TENM4: variants seen among roughly 807,000 people sequenced by gnomAD.
The protein encoded by TENM4 is teneurin transmembrane protein 4, also known as teneurin-4.
TENM4 carries 82 observed loss-of-function variants against 243.3 expected under a neutral mutation model. The observed-to-expected ratio is 0.34, with a 90% CI of 0.28 to 0.40. The LOEUF is 0.40. Ranked by LOEUF, TENM4 falls within the 10% of genes least tolerant of loss-of-function variation. The pLI is 1.00. For missense variants in TENM4, 3,138 were observed against 3,673.3 expected (o/e 0.85, Z 3.77); for synonymous variants, 1,412 against 1,456.3 (o/e 0.97, Z 0.69).
intron 3 of TENM4, among the ~76,000 whole-genome samples, chr11:79,159,976 G>T (rs11237734): frequency 6.6e-6 from 1 of 151,868 alleles, no homozygotes; most frequent in Admixed American, 6.6e-5. Flanking sequence ...ATTTATTCAC[G>T]AATTCATTTT....
chr11:79,138,957 C>T lies in TENM4; in HGVS notation c.-66+9753G>A, dbSNP rs867688126. Among the ~76,000 whole-genome samples the T allele has an allele frequency of 6.9e-3, 540 of 78,260 alleles. 6 individuals are homozygous for T. Among genetic ancestry groups the T allele is most frequent in the African/African-American group, 0.019 (334 of 17,244 alleles). The allele number at this position is 78,260 out of a possible 152,430, so 51.3% of individuals were successfully genotyped here. ...ATATATAAAATATATATTATATTTCCATAAATATATAAAATATATATTATA... is the reference window on the plus strand; with the variant it reads ...ATATATAAAATATATATTATATTTCTATAAATATATAAAATATATATTATA... On this transcript the variant is annotated intron_variant, in intron 4 of 33. Transcript: ENST00000278550.
At position 78,712,667 on chromosome 11, in the gene TENM4, C is replaced by T; in HGVS notation, c.3869G>A (p.Gly1290Glu). Residue 1290 changes from glycine to glutamate, a missense_variant, in exon 26 of 34, where the codon GGG (glycine) becomes GAG (glutamate). Gly to Glu is a moderately conservative substitution (Grantham distance 98, BLOSUM62 -2). Around this residue, in one of 2 missense-constraint regions of TENM4, gnomAD observed 2,467 missense variants for 3,059.1 expected, o/e 0.81. Transcript: ENST00000278550. ...GTTGCTGTCAGAAAGGAAGACGGCC[C>T]CACTCATGGGGTCTGTGGCCAGGTA... ...KYYLATDPMS[G>E]AVFLSDSNSR... 6.2e-7 allele frequency: 1 copy of T among 1,613,982 alleles called. No individual in the cohort carries two copies. Among genetic ancestry groups the T allele is most frequent in the Non-Finnish European group, 8.5e-7 (1 of 1,179,906 alleles).
chr11:79,062,026 A>G (rs1860103391), intron 6 of TENM4, among the ~76,000 whole-genome samples: 2 of 150,036 alleles, frequency 1.3e-5, no homozygotes, highest in Admixed American at 1.3e-4. Flanking sequence ...CAGTGGTGCA[A>G]TCTTGGCTCA....
chr11:79,067,341 A>C (rs2136995940), intron 5 of TENM4, among the ~76,000 whole-genome samples: 1 of 152,150 alleles, frequency 6.6e-6, no homozygotes, highest in East Asian at 1.9e-4. Context: ...CCTGCGTATC[A>C]CACTCCCTGG....
Position 79,004,959 on chromosome 11 carries a change from A to C in TENM4, c.493+59779T>G, listed in dbSNP as rs956007170. On this transcript the variant is annotated intron_variant, in intron 6 of 33. Coordinates refer to ENST00000278550, the MANE Select transcript of TENM4 (RefSeq NM_001098816.3). ...GAAATACCAAAAAAAAAAAAAAAAA[A>C]AACAACTCTGACTACTATGAATACC... is the stretch of plus-strand genomic sequence containing the variant. Among the ~76,000 whole-genome samples the C allele has an allele frequency of 1.8e-3, 264 of 148,726 alleles. 2 individuals are homozygous for C. Among genetic ancestry groups the C allele is most frequent in the African/African-American group, 4.4e-3 (173 of 39,186 alleles).
intron 1 of TENM4, among the ~76,000 whole-genome samples, chr11:79,402,608 G>T (rs939784307): frequency 6.6e-6 from 1 of 152,154 alleles, no homozygotes; most frequent in Non-Finnish European, 1.5e-5. Flanking sequence ...ACAGGTAGGA[G>T]TGTGTTTCTG....
intron 9 of TENM4, among the ~76,000 whole-genome samples, chr11:78,868,162 T>C (rs1359341175): frequency 1.3e-5 from 2 of 151,914 alleles, no homozygotes; most frequent in African/African-American, 2.4e-5. Context: ...ATATAAATTA[T>C]AATCACTGTA....
At chr11:78,996,273 T>C (rs753083821) in intron 6 of TENM4, among the ~76,000 whole-genome samples, 8 of 152,144 alleles carry the variant, frequency 5.3e-5, no homozygotes, top group Non-Finnish European at 1.2e-4. Context: ...TTCCTCCCTA[T>C]TGGAACACTC....
At chr11:78,869,280 G>A (rs796788788) in intron 9 of TENM4, among the ~76,000 whole-genome samples, 12 of 152,264 alleles carry the variant, frequency 7.9e-5, no homozygotes, top group African/African-American at 2.9e-4. Flanking sequence ...AAAACACAAT[G>A]TCAGGAAAAG....
chr11:79,157,406 T>C lies in TENM4; in HGVS notation c.-162-8600A>G, dbSNP rs764169419. Among the ~76,000 whole-genome samples the C allele has an allele frequency of 1.5e-4, 23 of 152,148 alleles. No individual in the cohort carries two copies. In the South Asian group the frequency reaches 1.7e-3, roughly 11 times the overall value. Reference sequence around the variant, plus strand: ...CTTTTCCTTCTCTTCTGTTGCTTTCTCTCTTTCTTTCATACCTTCACTCAC... The same window carrying C: ...CTTTTCCTTCTCTTCTGTTGCTTTCCCTCTTTCTTTCATACCTTCACTCAC... On this transcript the variant is annotated intron_variant, in intron 3 of 33. Transcript: ENST00000278550.
rs1335673054 is a variant in TENM4, at chr11:78,655,798, C to T, written c.*2260G>A. ...GGTATGAAGAGTACATTTTGAGAGG[C>T]GTAAGTCCCTTCTGGAGGACAAAAC... On this transcript the variant is annotated 3_prime_UTR_variant, in exon 34 of 34. Coordinates refer to ENST00000278550, the MANE Select transcript of TENM4 (RefSeq NM_001098816.3). 1 of 152,148 alleles carries T rather than the reference C, an allele frequency of 6.6e-6. No individual in the cohort carries two copies. Among genetic ancestry groups the T allele is most frequent in the Non-Finnish European group, 1.5e-5 (1 of 68,050 alleles). 9.4% of individuals were successfully genotyped at this position (152,148 alleles called of 1,614,324 possible). A position where few individuals can be genotyped will look rare whatever the true frequency, so the allele number is the denominator to read the frequency against.
intron 2 of TENM4, among the ~76,000 whole-genome samples, chr11:79,247,416 CAAAAA>C (rs34265803): frequency 1.2e-5 from 1 of 81,360 alleles, no homozygotes; most frequent in Non-Finnish European, 2.4e-5. Context: ...GACTCTGTCT[CAAAAA>C]AAAAAAAAAA....
chr11:79,293,978 C>T (rs1392136583), intron 2 of TENM4, among the ~76,000 whole-genome samples: 3 of 152,230 alleles, frequency 2.0e-5, no homozygotes, highest in African/African-American at 7.2e-5. Flanking sequence ...ACCTTGACCT[C>T]ACATCATTGC....
chr11:78,813,569 A>G (rs1279986200), intron 13 of TENM4, among the ~76,000 whole-genome samples: 1 of 152,202 alleles, frequency 6.6e-6, no homozygotes, highest in Non-Finnish European at 1.5e-5. Context: ...GGAAAAAGGT[A>G]AAAAAACAAA....
chr11:79,042,154 G>A lies in TENM4; in HGVS notation c.493+22584C>T, dbSNP rs183549681. ...CTTAGACACTTGGGAAGGGTAGGCT[G>A]ACTCTCTTCTAAGCTTTCAGGCCCT... is the stretch of plus-strand genomic sequence containing the variant. On this transcript the variant is annotated intron_variant, in intron 6 of 33. Coordinates refer to ENST00000278550, the MANE Select transcript of TENM4 (RefSeq NM_001098816.3). Among the ~76,000 whole-genome samples, 755 of 152,294 alleles carry A rather than the reference G, an allele frequency of 5.0e-3. 2 individuals are homozygous for A. The highest frequency in any genetic ancestry group is 0.024 in the Middle Eastern group (7 of 294).
At chr11:78,733,762 G>A (rs2135885402) in intron 20 of TENM4, among the ~76,000 whole-genome samples, 1 of 152,306 alleles carries the variant, frequency 6.6e-6, no homozygotes, top group East Asian at 1.9e-4. Context: ...AAGCCAGATG[G>A]ACTCAGATTA....
chr11:79,425,200 A>G (rs376861469), intron 1 of TENM4, among the ~76,000 whole-genome samples: 41 of 152,260 alleles, frequency 2.7e-4, no homozygotes, highest in African/African-American at 9.4e-4. Context: ...GCTAAGGATC[A>G]AGGTGAGGAG....
At chr11:79,219,739 C>G (rs1017479553) in intron 2 of TENM4, among the ~76,000 whole-genome samples, 1 of 152,188 alleles carries the variant, frequency 6.6e-6, no homozygotes, top group Non-Finnish European at 1.5e-5. Context: ...TCTTTCTTCT[C>G]CCAGTGCATC....
At chr11:79,045,417 G>A (rs567529214) in intron 6 of TENM4, among the ~76,000 whole-genome samples, 2 of 152,286 alleles carry the variant, frequency 1.3e-5, no homozygotes, top group African/African-American at 2.4e-5. Context: ...GAAGGGGCTT[G>A]GTGCAGTAAG....
Sources: allele counts gnomAD v4.1 joint callset (sites outside exome capture counted in the v4.1 genomes callset), GRCh38; gene constraint gnomAD v4.1.1; regional missense constraint gnomAD v4.1.1; transcripts MANE v1.5; gene names NCBI Gene and HGNC (gene_info 2026-07-23, HGNC 2026-07-21).